TBXAS1: variants seen among roughly 807,000 people sequenced by gnomAD.
TBXAS1 encodes the protein thromboxane-A synthase.
Under a neutral mutation model 60.7 loss-of-function variants are expected in TBXAS1, and 48 were observed. The ratio of observed to expected loss-of-function variants is 0.79; its 90% confidence interval spans 0.63 to 1.01. The LOEUF is 1.01. TBXAS1 is among the 50% of genes least tolerant of loss of function. The probability of loss-of-function intolerance (pLI) is 0.00; values close to 1 mark genes in which losing one functional copy is unlikely to be tolerated. For missense variants in TBXAS1, 685 were observed against 686.3 expected, an observed-to-expected ratio of 1.00 and a Z score of 0.02; for synonymous variants, 287 against 269.7, an observed-to-expected ratio of 1.06 and a Z score of -0.63.
In TBXAS1 at chr7:139,903,383, G is replaced by C. The variant is rs189703798; in HGVS notation, c.237-7842G>C. Among the ~76,000 whole-genome samples, 12 of 152,150 alleles carry C rather than the reference G, an allele frequency of 7.9e-5. No individual in the cohort carries two copies. The East Asian group carries it at 2.3e-3, about 29-fold the overall frequency. Reference sequence around the variant, plus strand: ...GGGTTGGTTCCATGATTTTGCAATCGTGAGTTGTGCTGCTATGAACATGCC... The same window carrying C: ...GGGTTGGTTCCATGATTTTGCAATCCTGAGTTGTGCTGCTATGAACATGCC... On this transcript the variant is annotated intron_variant, in intron 3 of 12. Transcript: ENST00000448866.
upstream of TBXAS1, among the ~76,000 whole-genome samples, chr7:139,825,431 G>A (rs1445259488): frequency 6.6e-6 from 1 of 152,108 alleles, no homozygotes; most frequent in African/African-American, 2.4e-5. Context: ...ACGTCTCCAT[G>A]GCATTTATGG....
chr7:139,862,679 A>ATTT (rs1801053877), intron 1 of TBXAS1, among the ~76,000 whole-genome samples: 11 of 152,258 alleles, frequency 7.2e-5, no homozygotes. Flanking sequence ...AAATGGAGAA[A>ATTT]TCAATGCAAC....
At chr7:139,824,074 C>T (rs562663423) in intron 4 of TBXAS1, among the ~76,000 whole-genome samples, 2 of 152,094 alleles carry the variant, frequency 1.3e-5, no homozygotes, top group African/African-American at 2.4e-5. Flanking sequence ...GACATCTGCA[C>T]GGGCAGTTTT....
intron 2 of TBXAS1, among the ~76,000 whole-genome samples, chr7:139,873,849 C>G (rs556177258): frequency 6.6e-6 from 1 of 152,110 alleles, no homozygotes; most frequent in East Asian, 1.9e-4. Flanking sequence ...GCCGGAACAC[C>G]CTGCATGGGA....
At chr7:139,827,307 T>G (rs1017467340), upstream of TBXAS1, among the ~76,000 whole-genome samples, 1 of 152,252 alleles carries the variant, frequency 6.6e-6, no homozygotes, top group Non-Finnish European at 1.5e-5. Flanking sequence ...TCCATTTGCA[T>G]GAAGTGTCTT....
chr7:139,952,168 G>A (rs1809468244), intron 5 of TBXAS1, among the ~76,000 whole-genome samples: 1 of 152,226 alleles, frequency 6.6e-6, no homozygotes, highest in Non-Finnish European at 1.5e-5. Context: ...GACGAAGTCA[G>A]ATTTTGCCTC....
At chr7:139,919,803 T>C (rs1212416030) in intron 4 of TBXAS1, among the ~76,000 whole-genome samples, 2 of 152,210 alleles carry the variant, frequency 1.3e-5, no homozygotes, top group Non-Finnish European at 2.9e-5. Flanking sequence ...AATAACCTGC[T>C]CCTCAGGGCA....
intron 9 of TBXAS1, among the ~76,000 whole-genome samples, chr7:139,986,145 G>A (rs547339770): frequency 3.3e-5 from 5 of 152,362 alleles, no homozygotes; most frequent in African/African-American, 1.2e-4. Context: ...AGCAGAGGTA[G>A]TGAATGTTTG....
chr7:139,939,781 T>C (rs1455119250), intron 5 of TBXAS1, among the ~76,000 whole-genome samples: 1 of 151,862 alleles, frequency 6.6e-6, no homozygotes, highest in Non-Finnish European at 1.5e-5. Context: ...TAAAGAAGAC[T>C]CAGGAAGAAC....
intron 4 of TBXAS1, among the ~76,000 whole-genome samples, chr7:139,821,947 C>T (rs370048725): frequency 2.6e-5 from 4 of 152,212 alleles, no homozygotes; most frequent in East Asian, 1.9e-4. Flanking sequence ...AACTGTCCGC[C>T]AGTGGCTTCA....
chr7:139,906,513 A>G (rs1805093255), intron 3 of TBXAS1, among the ~76,000 whole-genome samples: 1 of 151,736 alleles, frequency 6.6e-6, no homozygotes, highest in Admixed American at 6.6e-5. Context: ...CCAATACCAC[A>G]CAGTCTTGAC....
chr7:140,015,809 T>C lies in TBXAS1; in HGVS notation c.1313T>C (p.Leu438Pro), dbSNP rs758793578. ...GAVLEMAVGA[L>P]HHDPEHWPSP... ...GTGCTAGAGATGGCCGTGGGTGCCCTGCACCATGACCCTGAGCACTGGCCA... is the reference window on the plus strand; with the variant it reads ...GTGCTAGAGATGGCCGTGGGTGCCCCGCACCATGACCCTGAGCACTGGCCA... The change falls in exon 11 of 13, where the codon CTG becomes CCG. Residue 438 changes from leucine to proline, a missense_variant. Physicochemically the swap from Leu to Pro is moderately conservative, Grantham distance 98. Coordinates refer to ENST00000448866, the MANE Select transcript of TBXAS1 (RefSeq NM_001061.7). 8.1e-6 allele frequency: 13 copies of C among 1,613,750 alleles called. No individual in the cohort carries two copies. The South Asian group carries it at 1.3e-4, about 16-fold the overall frequency.
At chr7:139,925,743 C>T (rs978320600) in intron 4 of TBXAS1, among the ~76,000 whole-genome samples, 1 of 152,148 alleles carries the variant, frequency 6.6e-6, no homozygotes, top group Non-Finnish European at 1.5e-5. Context: ...GAAAGGTTTT[C>T]AGTTTTTCCC....
chr7:139,825,885 T>A (rs1798423467), upstream of TBXAS1, among the ~76,000 whole-genome samples: 1 of 152,210 alleles, frequency 6.6e-6, no homozygotes, highest in Non-Finnish European at 1.5e-5. Flanking sequence ...GAAATGCAGC[T>A]CTCTGCATCG....
At chr7:139,983,732 A>AT (rs8192848) in intron 9 of TBXAS1, among the ~76,000 whole-genome samples, 20 of 151,292 alleles carry the variant, frequency 1.3e-4, no homozygotes, top group Non-Finnish European at 7.4e-5. Context: ...CTCCGCACAC[A>AT]TTTTTTTTTC....
rs367890713 is a variant in TBXAS1 at position 140,004,910 on chromosome 7, G to A, written c.1135-2181G>A. ...TGTGCTGCCAGCCTAGGGCAGGGAC[G>A]GCCACCACCATGCCAACCCGAGATG... On this transcript the variant is annotated intron_variant, in intron 9 of 12. Transcript: ENST00000448866. The surrounding 1 kb of genome is among the most constrained non-coding windows in gnomAD (Gnocchi z 5.1). Among the ~76,000 whole-genome samples, 141 of 152,234 alleles carry A rather than the reference G, an allele frequency of 9.3e-4. 3 individuals are homozygous for A. The South Asian group carries it at 0.027, about 29-fold the overall frequency.
chr7:139,933,516 C>T (rs1375954032), intron 4 of TBXAS1, among the ~76,000 whole-genome samples: 1 of 152,130 alleles, frequency 6.6e-6, no homozygotes, highest in Non-Finnish European at 1.5e-5. Flanking sequence ...TTCCATAAAG[C>T]CATAATTCTG....
chr7:139,991,128 G>A (rs1163168437), intron 9 of TBXAS1, among the ~76,000 whole-genome samples: 1 of 152,158 alleles, frequency 6.6e-6, no homozygotes, highest in Non-Finnish European at 1.5e-5. Context: ...CAATAAAACG[G>A]CACTAAATGG....
At chr7:139,802,615 T>A (rs554790782) in intron 4 of TBXAS1, among the ~76,000 whole-genome samples, 2 of 152,150 alleles carry the variant, frequency 1.3e-5, no homozygotes, top group Non-Finnish European at 2.9e-5. Flanking sequence ...TGAAGCCCCA[T>A]GTCTGCTGAA....
Sources: allele counts gnomAD v4.1 joint callset (sites outside exome capture counted in the v4.1 genomes callset), GRCh38; gene constraint gnomAD v4.1.1; non-coding constraint Gnocchi (gnomAD v3.1); transcripts MANE v1.5; gene names NCBI Gene and HGNC (gene_info 2026-07-23, HGNC 2026-07-21).